PIP4K2A: variants seen among roughly 807,000 people sequenced by gnomAD.
PIP4K2A encodes phosphatidylinositol 5-phosphate 4-kinase type-2 alpha.
In PIP4K2A, 14 loss-of-function variants were observed where a neutral mutation model predicts 42.9. The observed-to-expected ratio is 0.33, with a 90% CI of 0.22 to 0.51. PIP4K2A has a LOEUF of 0.51. PIP4K2A is among the 20% of genes least tolerant of loss of function. The pLI is 0.97. For missense variants in PIP4K2A, 434 were observed against 519.8 expected (o/e 0.83, Z 1.61); for synonymous variants, 192 against 192.2 (o/e 1.00, Z 0.01).
At chr10:22,630,256 C>A (rs193194465) in intron 1 of PIP4K2A, among the ~76,000 whole-genome samples, 4 of 151,838 alleles carry the variant, frequency 2.6e-5, no homozygotes, top group South Asian at 2.1e-4. Context: ...TATCAAACAG[C>A]CTTTTTGTTT....
In PIP4K2A at chr10:22,666,418, A is replaced by G. The variant is rs369259323; in HGVS notation, c.144+47765T>C. ...ATGACCTTTCAATGCTCTTTTCCCA[A>G]TCTACCAAAGAAAAGGAACAGCTTT... is the stretch of plus-strand genomic sequence containing the variant. On this transcript the variant is annotated intron_variant, in intron 1 of 9. Coordinates refer to ENST00000376573, the MANE Select transcript of PIP4K2A (RefSeq NM_005028.5). Among the ~76,000 whole-genome samples, 108 of 152,318 alleles carry G rather than the reference A, an allele frequency of 7.1e-4. 1 individual carries two copies. The South Asian group carries it at 0.021, about 30-fold the overall frequency.
At position 22,714,439 on chromosome 10, in the gene PIP4K2A, C is replaced by T. The variant is rs1833972711; in HGVS notation, c.-113G>A. ...CCCCCCGGCGGCGGCCCCGGCGCGC[C>T]GCGCTCCGCTCCGCCCGCCGCCGCC... On this transcript the variant is annotated 5_prime_UTR_variant, in exon 1 of 10. Coordinates refer to ENST00000376573, the MANE Select transcript of PIP4K2A (RefSeq NM_005028.5). The T allele has an allele frequency of 3.1e-6, 2 of 649,478 alleles. No homozygotes were observed. Among genetic ancestry groups the T allele is most frequent in the Middle Eastern group, 7.0e-4 (1 of 1,432 alleles). 40.2% of individuals were successfully genotyped at this position (649,478 alleles called of 1,614,324 possible).
At chr10:22,652,722 T>C (rs927695188) in intron 1 of PIP4K2A, among the ~76,000 whole-genome samples, 5 of 152,322 alleles carry the variant, frequency 3.3e-5, no homozygotes, top group Middle Eastern at 3.4e-3. Context: ...TTAAGAAATG[T>C]TATGTTCTTA....
At chr10:22,606,760 A>G (rs574217407) in intron 3 of PIP4K2A, among the ~76,000 whole-genome samples, 28 of 152,328 alleles carry the variant, frequency 1.8e-4, no homozygotes, top group African/African-American at 6.0e-4. Flanking sequence ...TTCAGATCTT[A>G]AATTGAGGGC....
chr10:22,556,753 C>T (rs973279105), intron 6 of PIP4K2A, among the ~76,000 whole-genome samples: 1 of 152,204 alleles, frequency 6.6e-6, no homozygotes, highest in African/African-American at 2.4e-5. Context: ...CCACTGGGAA[C>T]ATTTAACTTG....
chr10:22,657,206 GC>G (rs1435375339), intron 1 of PIP4K2A, among the ~76,000 whole-genome samples: 1 of 152,290 alleles, frequency 6.6e-6, no homozygotes, highest in Non-Finnish European at 1.5e-5. Context: ...AGCACCAACC[GC>G]CCCAGACAGC....
intron 1 of PIP4K2A, among the ~76,000 whole-genome samples, chr10:22,701,625 T>A (rs1290192159): frequency 6.6e-5 from 10 of 152,230 alleles, no homozygotes; most frequent in African/African-American, 2.4e-4. Flanking sequence ...ACTGTTGGAT[T>A]CCCTCTTTTG....
In PIP4K2A at chr10:22,535,100, C is replaced by CTGTT. The variant is rs1243214361; in HGVS notation, c.*2097_*2100dup. On this transcript the variant is annotated 3_prime_UTR_variant, in exon 10 of 10. Transcript: ENST00000376573. ...TTTATCAACAGAAATAAATGACAGACTGTTTGTTATAGACAAAAATAAAAG... is the reference window on the plus strand; with the variant it reads ...TTTATCAACAGAAATAAATGACAGACTGTTTGTTTGTTATAGACAAAAATAAAAG... 1.3e-5 allele frequency: 2 copies of CTGTT among 152,204 alleles called. No homozygotes were observed. The highest frequency in any genetic ancestry group is 4.1e-4 in the South Asian group (2 of 4,834). The allele number at this position is 152,204 out of a possible 1,614,324, so 9.4% of individuals were successfully genotyped here. A position where few individuals can be genotyped will look rare whatever the true frequency, so the allele number is the denominator to read the frequency against.
At position 22,649,631 on chromosome 10, in the gene PIP4K2A, C is replaced by A. The variant is rs558691188; in HGVS notation, c.145-39914G>T. 3.3e-5 allele frequency among the ~76,000 whole-genome samples: 5 copies of A among 152,290 alleles called. No individual in the cohort carries two copies. The South Asian group carries it at 1.0e-3, about 32-fold the overall frequency. The stretch of plus-strand genomic sequence containing the variant: ...CTGAAAGCATTAGCACACGCAGGCT[C>A]ATGGTTAACCCGAACATCCTGACTT... On this transcript the variant is annotated intron_variant, in intron 1 of 9. Transcript: ENST00000376573.
Position 22,639,093 on chromosome 10 carries a change from G to C in PIP4K2A, c.145-29376C>G, listed in dbSNP as rs541838837. Among the ~76,000 whole-genome samples the C allele has an allele frequency of 2.0e-5, 3 of 152,198 alleles. No individual in the cohort carries two copies. The South Asian group carries it at 6.2e-4, about 32-fold the overall frequency. On this transcript the variant is annotated intron_variant, in intron 1 of 9. Transcript: ENST00000376573. ...AAACAATGACTCATGGTCAAGATGT[G>C]GTGGTTAGGAAATGGGACAGAAAGA...
At chr10:22,686,374 G>GACATCAGT (rs1378079863) in intron 1 of PIP4K2A, among the ~76,000 whole-genome samples, 14 of 152,306 alleles carry the variant, frequency 9.2e-5, no homozygotes, top group Admixed American at 7.9e-4. Flanking sequence ...TCTGAAAACT[G>GACATCAGT]ACATCAGTAG....
chr10:22,591,129 A>G (rs1471266806), intron 4 of PIP4K2A, among the ~76,000 whole-genome samples: 1 of 152,208 alleles, frequency 6.6e-6, no homozygotes, highest in Non-Finnish European at 1.5e-5. Flanking sequence ...TCGGGGATGA[A>G]AAGGGGGCAA....
Position 22,564,247 on chromosome 10 carries a change from G to T in PIP4K2A, c.678+3604C>A, listed in dbSNP as rs190901542. Among the ~76,000 whole-genome samples, 7 of 152,268 alleles carry T rather than the reference G, an allele frequency of 4.6e-5. No individual in the cohort carries two copies. The East Asian group carries it at 1.4e-3, about 29-fold the overall frequency. On this transcript the variant is annotated intron_variant, in intron 6 of 9. Transcript: ENST00000376573. ...ATACGTGTGGCTTTCCTCTCTGTGT[G>T]CCCTTGTTTTATGATTTAGGCCTCA...
intron 1 of PIP4K2A, among the ~76,000 whole-genome samples, chr10:22,671,799 A>C (rs1055878819): frequency 6.0e-5 from 9 of 149,782 alleles, no homozygotes; most frequent in African/African-American, 2.2e-4. Flanking sequence ...CTCCTCCAAG[A>C]ATATTTTTCT....
chr10:22,696,546 C>T (rs1282266124), intron 1 of PIP4K2A, among the ~76,000 whole-genome samples: 5 of 151,976 alleles, frequency 3.3e-5, no homozygotes, highest in Admixed American at 2.0e-4. Flanking sequence ...TATATGGAAG[C>T]TTTTTTCAAT....
At chr10:22,677,145 A>G (rs1308213999) in intron 1 of PIP4K2A, among the ~76,000 whole-genome samples, 1 of 152,188 alleles carries the variant, frequency 6.6e-6, no homozygotes, top group Non-Finnish European at 1.5e-5. Flanking sequence ...TTGCATGTAC[A>G]TGTTTGCATC....
At chr10:22,539,895 G>A (rs1423675815) in intron 9 of PIP4K2A, 76 bp downstream of exon 9, 2 of 661,246 alleles carry the variant, frequency 3.0e-6, no homozygotes, top group African/African-American at 7.1e-5. Flanking sequence ...AGGAGAGAGA[G>A]AGAGAGAGAG....
Position 22,541,800 on chromosome 10 carries a change from T to C in PIP4K2A, c.1036+4A>G. ...CAAAAAGGGTCCACAGTAATCAAAC[T>C]TACTTTCATGGCACTTAATTCCATA... On this transcript the variant is annotated splice_donor_region_variant and intron_variant, in intron 8 of 9. Coordinates refer to ENST00000376573, the MANE Select transcript of PIP4K2A (RefSeq NM_005028.5). 3 of 1,538,964 alleles carry C rather than the reference T, an allele frequency of 1.9e-6. No homozygotes were observed. The highest frequency in any genetic ancestry group is 2.3e-5 in the East Asian group (1 of 44,028).
At chr10:22,681,753 C>G (rs1468344884) in intron 1 of PIP4K2A, among the ~76,000 whole-genome samples, 1 of 152,110 alleles carries the variant, frequency 6.6e-6, no homozygotes, top group Non-Finnish European at 1.5e-5. Context: ...CTCCTAATTT[C>G]AGCTACCAGC....
Sources: allele counts gnomAD v4.1 joint callset (sites outside exome capture counted in the v4.1 genomes callset), GRCh38; gene constraint gnomAD v4.1.1; transcripts MANE v1.5; gene names NCBI Gene and HGNC (gene_info 2026-07-23, HGNC 2026-07-21).